BIRC6: variants seen among roughly 807,000 people sequenced by gnomAD.
BIRC6 encodes the protein dual E2 ubiquitin-conjugating enzyme/E3 ubiquitin-protein ligase BIRC6.
BIRC6 carries 98 observed loss-of-function variants against 503.3 expected under a neutral mutation model. The observed-to-expected ratio is 0.19, with a 90% CI of 0.17 to 0.23. BIRC6 has a LOEUF of 0.23. BIRC6 is among the 10% of genes least tolerant of loss of function. BIRC6 has a pLI of 1.00. For synonymous variants in BIRC6, 2,240 were observed against 2,078.7 expected, an observed-to-expected ratio of 1.08 and a Z score of -2.11; for missense variants, 5,360 against 5,806.0, an observed-to-expected ratio of 0.92 and a Z score of 2.50.
At chr2:32,529,547 C>T (rs765609104) in intron 59 of BIRC6, 104 bp from the exon 60 acceptor site, 95 of 1,092,662 alleles carry the variant, frequency 8.7e-5, no homozygotes, top group Non-Finnish European at 1.1e-4. Context: ...AAATTGGTTT[C>T]AGAATCAAAC....
In BIRC6 at chr2:32,483,865, G is replaced by T. The variant is rs556928585; in HGVS notation, c.7696+1283G>T. 3.9e-5 allele frequency among the ~76,000 whole-genome samples: 6 copies of T among 152,254 alleles called. No homozygotes were observed. The South Asian group carries it at 1.0e-3, about 26-fold the overall frequency. ...ATGATTTTGATCTCTCTCATTATTGGTGATGTTAAGTTTAACCACTTGATG... is the reference window on the plus strand; with the variant it reads ...ATGATTTTGATCTCTCTCATTATTGTTGATGTTAAGTTTAACCACTTGATG... On this transcript the variant is annotated intron_variant, in intron 39 of 73. Transcript: ENST00000421745.
rs1343291099 is a variant in BIRC6 at position 32,464,883 on chromosome 2, C to CT, written c.5256+61dup. 1.9e-5 allele frequency: 29 copies of CT among 1,529,098 alleles called. No individual in the cohort carries two copies. In the African/African-American group the frequency reaches 2.1e-4, roughly 11 times the overall value. The allele number at this position is 1,529,098 out of a possible 1,614,324, so 94.7% of individuals were successfully genotyped here. A position where few individuals can be genotyped will look rare whatever the true frequency, so the allele number is the denominator to read the frequency against. The stretch of plus-strand genomic sequence containing the variant: ...ATTTAAAAATATCTTGAAATATACT[C>CT]TAACTTTAGAAGGCAAAATTTTTAA... On this transcript the variant is annotated intron_variant, in intron 25 of 73. Coordinates refer to ENST00000421745, the MANE Select transcript of BIRC6 (RefSeq NM_016252.4).
At chr2:32,525,161 C>A in intron 58 of BIRC6, 142 bp downstream of exon 58, 1 of 812,502 alleles carries the variant, frequency 1.2e-6, no homozygotes, top group Non-Finnish European at 1.8e-6. Context: ...AGATTTTTAT[C>A]TTTTTATTTT....
At chr2:32,601,408 C>T (rs752917145) in intron 70 of BIRC6, among the ~76,000 whole-genome samples, 40 of 152,142 alleles carry the variant, frequency 2.6e-4, no homozygotes, top group Non-Finnish European at 4.3e-4. Context: ...ATGGAGAAAC[C>T]CCGTCTCTAC....
intron 13 of BIRC6, among the ~76,000 whole-genome samples, chr2:32,435,080 T>C (rs2044550128): frequency 6.6e-6 from 1 of 152,166 alleles, no homozygotes; most frequent in South Asian, 2.1e-4. Context: ...TGTGTGTCTG[T>C]ATATTTATGT....
intron 65 of BIRC6, among the ~76,000 whole-genome samples, chr2:32,560,466 A>G (rs2059091629): frequency 6.6e-6 from 1 of 152,238 alleles, no homozygotes; most frequent in African/African-American, 2.4e-5. Flanking sequence ...AACTCAATAG[A>G]GTAAAATATA....
chr2:32,596,877 T>C (rs1470360799), intron 68 of BIRC6, among the ~76,000 whole-genome samples: 1 of 152,218 alleles, frequency 6.6e-6, no homozygotes, highest in Non-Finnish European at 1.5e-5. Context: ...TGGATCCTTA[T>C]GTGTGAGAGA....
intron 6 of BIRC6, among the ~76,000 whole-genome samples, chr2:32,397,596 GTGTGTGTGTA>G (rs1192143485): frequency 2.2e-4 from 31 of 141,296 alleles, no homozygotes; most frequent in African/African-American, 8.4e-4. Flanking sequence ...GTGTGTGTGT[GTGTGTGTGTA>G]TATATGTGTG....
chr2:32,474,893 G>A (rs2049552101), intron 33 of BIRC6, among the ~76,000 whole-genome samples: 1 of 152,044 alleles, frequency 6.6e-6, no homozygotes, highest in African/African-American at 2.4e-5. Context: ...TAACAGCCAA[G>A]TGGATTTTTA....
intron 39 of BIRC6, among the ~76,000 whole-genome samples, chr2:32,483,771 A>G (rs2050678807): frequency 6.6e-6 from 1 of 152,154 alleles, no homozygotes; most frequent in Non-Finnish European, 1.5e-5. Context: ...ATATTGAGTT[A>G]ATGCATCTTC....
At chr2:32,473,627 G>T (rs1423129146) in intron 33 of BIRC6, among the ~76,000 whole-genome samples, 2 of 147,666 alleles carry the variant, frequency 1.4e-5, no homozygotes, top group Non-Finnish European at 1.5e-5. Flanking sequence ...ATGGCTTCAG[G>T]GTATTCATCT....
intron 10 of BIRC6, among the ~76,000 whole-genome samples, chr2:32,418,626 A>G (rs767653027): frequency 3.3e-5 from 5 of 152,254 alleles, no homozygotes; most frequent in African/African-American, 9.6e-5. Flanking sequence ...CCTAGGTGAC[A>G]TGGCACCCCG....
intron 22 of BIRC6, among the ~76,000 whole-genome samples, chr2:32,452,779 A>C (rs1574316049): frequency 6.6e-6 from 1 of 152,098 alleles, no homozygotes; most frequent in Admixed American, 6.5e-5. Flanking sequence ...GTTAATTCCT[A>C]ATAACCACTA....
chr2:32,359,481 G>A (rs2033706484), intron 1 of BIRC6, among the ~76,000 whole-genome samples: 2 of 152,172 alleles, frequency 1.3e-5, no homozygotes. Context: ...ATAACATGAA[G>A]GTGTAGGTAG....
intron 49 of BIRC6, 120 bp downstream of exon 49, chr2:32,503,356 GTTTA>G: frequency 7.4e-6 from 6 of 808,692 alleles, no homozygotes; most frequent in Non-Finnish European, 1.2e-5. Context: ...ATTACAAACA[GTTTA>G]TTTTAGAGGT....
intron 9 of BIRC6, among the ~76,000 whole-genome samples, chr2:32,410,586 G>C (rs1007944184): frequency 3.3e-5 from 5 of 152,172 alleles, no homozygotes; most frequent in African/African-American, 1.2e-4. Context: ...AGATATGCCA[G>C]TGAGCATGTA....
chr2:32,450,228 C>T (rs1008393988), intron 22 of BIRC6, among the ~76,000 whole-genome samples: 26 of 152,256 alleles, frequency 1.7e-4, no homozygotes, highest in Admixed American at 2.6e-4. Context: ...CCTGTAATCC[C>T]AGCACTTTGG....
intron 21 of BIRC6, 81 bp downstream of exon 21, chr2:32,445,749 T>G: frequency 2.0e-6 from 2 of 998,644 alleles, no homozygotes; most frequent in Non-Finnish European, 2.7e-6. Flanking sequence ...ATTTAATATA[T>G]ATATGCTGAT....
At chr2:32,400,417 C>T (rs2040475571) in intron 6 of BIRC6, among the ~76,000 whole-genome samples, 1 of 148,898 alleles carries the variant, frequency 6.7e-6, no homozygotes, top group African/African-American at 2.5e-5. Flanking sequence ...CGGCTCACTG[C>T]AGCCTCCGCC....
Sources: gnomAD v4.1 joint callset for allele counts (sites outside exome capture counted in the v4.1 genomes callset) on GRCh38, gnomAD v4.1.1 for gene constraint, MANE v1.5 for transcripts, NCBI Gene and HGNC (gene_info 2026-07-23, HGNC 2026-07-21) for gene names.